Variants in TFDP2 observed in about 807,000 individuals in gnomAD.
The protein encoded by TFDP2 is transcription factor Dp-2 (E2F dimerization partner 2).
A neutral mutation model predicts 59.3 loss-of-function variants in TFDP2; 17 were observed. The observed-to-expected ratio is 0.29, with a 90% confidence interval of 0.20 to 0.43. TFDP2 has a LOEUF of 0.43. Ranked by LOEUF, TFDP2 falls within the 20% of genes least tolerant of loss-of-function variation. The probability of loss-of-function intolerance (pLI) is 1.00; values close to 1 mark genes in which losing one functional copy is unlikely to be tolerated. For missense variants in TFDP2, 391 were observed against 528.8 expected (o/e 0.74, Z 2.56); for synonymous variants, 180 against 194.7 (o/e 0.92, Z 0.63).
rs768205844 is a variant in TFDP2, at chr3:142,068,985, G to A, written c.82+24076C>T. ...GGCTAAAGTGCAGTGGCGCAATGTC[G>A]GCTCAATGCAACCTCCGTCTCCTTG... On this transcript the variant is annotated intron_variant, in intron 3 of 12. Coordinates refer to ENST00000489671, the MANE Select transcript of TFDP2 (RefSeq NM_001178139.2). 6.6e-5 allele frequency among the ~76,000 whole-genome samples: 10 copies of A among 151,874 alleles called. 1 individual carries two copies. Among genetic ancestry groups the A allele is most frequent in the East Asian group, 1.9e-4 (1 of 5,178 alleles).
chr3:142,117,331 T>A lies in TFDP2; in HGVS notation c.-92-15490A>T, dbSNP rs2061882934. Among the ~76,000 whole-genome samples the A allele has an allele frequency of 2.0e-5, 3 of 151,164 alleles. No homozygotes were observed. In the South Asian group the frequency reaches 6.2e-4, roughly 31 times the overall value. ...ACATAAAATAAACCACAAGAATTTTTAAAACCCACAAAGGATCTAGGCCAT... is the reference window on the plus strand; with the variant it reads ...ACATAAAATAAACCACAAGAATTTTAAAAACCCACAAAGGATCTAGGCCAT... On this transcript the variant is annotated intron_variant, in intron 1 of 12. Transcript: ENST00000489671.
At chr3:142,044,529 C>T (rs980008210) in intron 3 of TFDP2, among the ~76,000 whole-genome samples, 4 of 152,042 alleles carry the variant, frequency 2.6e-5, no homozygotes, top group South Asian at 4.1e-4. Context: ...CTGCCACACC[C>T]GGCCTAATTT....
chr3:142,136,249 C>CT (rs1183615184), intron 1 of TFDP2, among the ~76,000 whole-genome samples: 1 of 151,798 alleles, frequency 6.6e-6, no homozygotes, highest in Non-Finnish European at 1.5e-5. Flanking sequence ...TTGATAGGAT[C>CT]TTTTTTTCTT....
Position 141,968,435 on chromosome 3 carries a change from T to TATATATC in TFDP2, c.732+1637_732+1638insGATATAT, listed in dbSNP as rs1559937541. Among the ~76,000 whole-genome samples, 247 of 87,222 alleles carry TATATATC rather than the reference T, an allele frequency of 2.8e-3. 25 individuals are homozygous for TATATATC. The highest frequency in any genetic ancestry group is 0.012 in the African/African-American group (231 of 19,566). The allele number at this position is 87,222 out of a possible 152,430, so 57.2% of individuals were successfully genotyped here. A position where few individuals can be genotyped will look rare whatever the true frequency, so the allele number is the denominator to read the frequency against. On this transcript the variant is annotated intron_variant, in intron 9 of 12. Transcript: ENST00000489671. ...ATAACATATATATCTCATATATAGATATATATAACATATATATCTCATATA... is the reference window on the plus strand; with the variant it reads ...ATAACATATATATCTCATATATAGATATATATCATATATAACATATATATCTCATATA...
chr3:142,006,988 C>T (rs1944271790), intron 3 of TFDP2, among the ~76,000 whole-genome samples: 2 of 152,058 alleles, frequency 1.3e-5, no homozygotes, highest in Admixed American at 1.3e-4. Context: ...GTTGGCCAGG[C>T]TGATCTGGAA....
intron 3 of TFDP2, among the ~76,000 whole-genome samples, chr3:142,041,490 C>G (rs898672289): frequency 6.6e-6 from 1 of 152,232 alleles, no homozygotes; most frequent in African/African-American, 2.4e-5. Flanking sequence ...CCTCTGCACA[C>G]GCTCTCTTGC....
intron 3 of TFDP2, among the ~76,000 whole-genome samples, chr3:142,034,245 G>A (rs575702164): frequency 1.8e-3 from 280 of 151,882 alleles, no homozygotes; most frequent in African/African-American, 6.3e-3. Flanking sequence ...ACAGGCATGC[G>A]CCACCACGCC....
intron 2 of TFDP2, among the ~76,000 whole-genome samples, chr3:142,097,656 G>C (rs2108634473): frequency 6.6e-6 from 1 of 152,270 alleles, no homozygotes; most frequent in African/African-American, 2.4e-5. Flanking sequence ...CTGCACTCCA[G>C]CCGGGGCAAC....
At chr3:142,051,998 T>A (rs1321478151) in intron 3 of TFDP2, among the ~76,000 whole-genome samples, 1 of 151,660 alleles carries the variant, frequency 6.6e-6, no homozygotes, top group Non-Finnish European at 1.5e-5. Flanking sequence ...TGGTTGCACA[T>A]GTCTGTAGTC....
At chr3:141,970,597 C>T (rs1234955941) in intron 8 of TFDP2, among the ~76,000 whole-genome samples, 3 of 152,348 alleles carry the variant, frequency 2.0e-5, no homozygotes, top group Middle Eastern at 3.4e-3. Flanking sequence ...CCCAAGGTCA[C>T]GCAGCTAGTG....
chr3:142,057,975 T>C (rs942850380), intron 3 of TFDP2, among the ~76,000 whole-genome samples: 3 of 152,218 alleles, frequency 2.0e-5, no homozygotes, highest in Admixed American at 6.5e-5. Context: ...ATGGTCCAGA[T>C]ATACCAGATG....
At chr3:142,113,353 GGTTCA>G (rs1427293109) in intron 1 of TFDP2, among the ~76,000 whole-genome samples, 33 of 152,116 alleles carry the variant, frequency 2.2e-4, no homozygotes, top group Admixed American at 5.9e-4. Context: ...CCGCCTCCCG[GGTTCA>G]AGCGATTCTC....
chr3:142,009,684 T>C (rs952780424), intron 3 of TFDP2, among the ~76,000 whole-genome samples: 3 of 143,624 alleles, frequency 2.1e-5, no homozygotes, highest in Non-Finnish European at 4.5e-5. Flanking sequence ...CACTCCAGCC[T>C]GGGCAACAAC....
chr3:142,103,873 GAA>G (rs1028374483), intron 1 of TFDP2, among the ~76,000 whole-genome samples: 3 of 151,614 alleles, frequency 2.0e-5, no homozygotes, highest in African/African-American at 7.3e-5. Context: ...AAATTTTGTA[GAA>G]GAAAAGCAAG....
At chr3:141,974,235 A>T (rs1373897439) in intron 7 of TFDP2, 44 bp from the exon 8 acceptor site, 1 of 1,512,356 alleles carries the variant, frequency 6.6e-7, no homozygotes, top group Non-Finnish European at 8.9e-7. Context: ...TTAAGGGTTA[A>T]GATACAGTCA....
At chr3:142,103,483 A>G (rs2061377730) in intron 1 of TFDP2, among the ~76,000 whole-genome samples, 1 of 152,120 alleles carries the variant, frequency 6.6e-6, no homozygotes, top group African/African-American at 2.4e-5. Context: ...TCCAAAAACT[A>G]TGGAGTTTTC....
chr3:141,980,617 AC>A lies in TFDP2; in HGVS notation c.357-1936del, dbSNP rs1559966610. 2.0e-5 allele frequency among the ~76,000 whole-genome samples: 3 copies of A among 152,062 alleles called. No homozygotes were observed. In the East Asian group the frequency reaches 5.8e-4, roughly 29 times the overall value. On this transcript the variant is annotated intron_variant, in intron 6 of 12. Transcript: ENST00000489671. ...GAGTGCAGTGGTATGATCTCAGCTC[AC>A]TGAGAAACCCGGGTTCAAGTGATTC...
chr3:142,092,653 G>C (rs562788286), intron 3 of TFDP2, among the ~76,000 whole-genome samples: 1 of 152,164 alleles, frequency 6.6e-6, no homozygotes, highest in East Asian at 1.9e-4. Context: ...CATTCTTCCA[G>C]TAAGACATAT....
chr3:142,095,458 T>A (rs926295358), intron 2 of TFDP2, among the ~76,000 whole-genome samples: 2 of 152,234 alleles, frequency 1.3e-5, no homozygotes, highest in Non-Finnish European at 2.9e-5. Flanking sequence ...TACATATTTT[T>A]CATATCCTAA....
Sources: allele counts gnomAD v4.1 joint callset (sites outside exome capture counted in the v4.1 genomes callset), GRCh38; gene constraint gnomAD v4.1.1; transcripts MANE v1.5; gene names NCBI Gene and HGNC (gene_info 2026-07-23, HGNC 2026-07-21).